PI4K2A: variants seen among roughly 807,000 people sequenced by gnomAD.
PI4K2A encodes the protein phosphatidylinositol 4-kinase type 2-alpha.
In PI4K2A, 20 loss-of-function variants were observed where a neutral mutation model predicts 55.0. The ratio of observed to expected loss-of-function variants is 0.36; its 90% confidence interval spans 0.26 to 0.53. The LOEUF is 0.53. PI4K2A is among the 20% of genes least tolerant of loss of function. PI4K2A has a pLI of 0.91. For missense variants in PI4K2A, 463 were observed against 637.1 expected (o/e 0.73, Z 2.94); for synonymous variants, 235 against 258.5 (o/e 0.91, Z 0.87).
At chr10:97,671,086 G>A (rs1048136823) in intron 8 of PI4K2A, among the ~76,000 whole-genome samples, 2 of 151,834 alleles carry the variant, frequency 1.3e-5, no homozygotes, top group African/African-American at 4.8e-5. Context: ...GCTGTGAGCC[G>A]AGATTGTGCC....
intron 2 of PI4K2A, among the ~76,000 whole-genome samples, chr10:97,655,260 C>T (rs1042984612): frequency 6.7e-6 from 1 of 149,968 alleles, no homozygotes; most frequent in Non-Finnish European, 1.5e-5. Flanking sequence ...ATCCCAGCTA[C>T]TTGGGAGGCT....
At chr10:97,641,619 G>A (rs2041470315) in intron 1 of PI4K2A, among the ~76,000 whole-genome samples, 1 of 152,150 alleles carries the variant, frequency 6.6e-6, no homozygotes, top group African/African-American at 2.4e-5. Flanking sequence ...ACCTATCAGG[G>A]GATCTGAGAA....
At chr10:97,673,153 A>AT (rs1301846727) in intron 8 of PI4K2A, among the ~76,000 whole-genome samples, 6 of 150,732 alleles carry the variant, frequency 4.0e-5, no homozygotes, top group Non-Finnish European at 7.4e-5. Context: ...CGGTCGGCTA[A>AT]TTTTTTTTGG....
chr10:97,652,500 T>G (rs1251633273), intron 2 of PI4K2A, among the ~76,000 whole-genome samples: 2 of 151,906 alleles, frequency 1.3e-5, no homozygotes, highest in Non-Finnish European at 2.9e-5. Flanking sequence ...AAGGTCTCCC[T>G]GTTTTGCCCA....
At chr10:97,672,359 C>G (rs1269254464) in intron 8 of PI4K2A, among the ~76,000 whole-genome samples, 1 of 152,096 alleles carries the variant, frequency 6.6e-6, no homozygotes, top group African/African-American at 2.4e-5. Flanking sequence ...CCTATAATTT[C>G]TTGAGACCCA....
exon 9 of PI4K2A, chr10:97,673,973 C>T: frequency 2.0e-6 from 1 of 490,850 alleles, no homozygotes; most frequent in Non-Finnish European, 3.6e-6. Flanking sequence ...TGCACGTAGT[C>T]CAGATGCCTG....
At chr10:97,642,903 T>A (rs2041484685) in intron 1 of PI4K2A, among the ~76,000 whole-genome samples, 1 of 137,050 alleles carries the variant, frequency 7.3e-6, no homozygotes, top group African/African-American at 2.9e-5. Context: ...CTTCCTTCCT[T>A]CCTTCCTTCC....
intron 4 of PI4K2A, among the ~76,000 whole-genome samples, chr10:97,660,256 C>G (rs2041575145): frequency 6.7e-6 from 1 of 148,390 alleles, no homozygotes. Context: ...CCGCCTTGGC[C>G]TCCCAAAGTG....
intron 1 of PI4K2A, among the ~76,000 whole-genome samples, chr10:97,642,859 CTTTCTT>C (rs1388210239): frequency 0.15 from 3,579 of 23,486 alleles, 374 homozygotes; most frequent in East Asian, 0.18. Flanking sequence ...TCCTTTCTTT[CTTTCTT>C]TTTCTTTCTT....
intron 8 of PI4K2A, among the ~76,000 whole-genome samples, chr10:97,668,111 C>T (rs1446544921): frequency 6.6e-6 from 1 of 152,072 alleles, no homozygotes; most frequent in Non-Finnish European, 1.5e-5. Flanking sequence ...ATGCCTATCA[C>T]TTTGAAGTCT....
chr10:97,671,592 TTAG>T (rs2041635444), intron 8 of PI4K2A, among the ~76,000 whole-genome samples: 1 of 152,164 alleles, frequency 6.6e-6, no homozygotes, highest in African/African-American at 2.4e-5. Context: ...AGAGATAGTG[TTAG>T]AAGGAGAATC....
exon 9 of PI4K2A, chr10:97,673,793 T>A: frequency 1.3e-6 from 2 of 1,560,208 alleles, no homozygotes; most frequent in Non-Finnish European, 1.8e-6. Context: ...GGAGGAAGCC[T>A]GGGGAGTGGG....
chr10:97,665,253 T>C (rs745390685), intron 6 of PI4K2A, among the ~76,000 whole-genome samples: 2 of 152,164 alleles, frequency 1.3e-5, no homozygotes, highest in Non-Finnish European at 2.9e-5. Flanking sequence ...ATTGTCTCTT[T>C]GCATTCTTCT....
intron 4 of PI4K2A, 51 bp downstream of exon 4, chr10:97,657,025 TG>T: frequency 6.3e-7 from 1 of 1,592,918 alleles, no homozygotes; most frequent in Admixed American, 1.7e-5. Flanking sequence ...TGTTGAGGCA[TG>T]GGGAGGCCTG....
At chr10:97,675,845 G>A (rs1057151776) in exon 9 of PI4K2A, 13 of 152,652 alleles carry the variant, frequency 8.5e-5, no homozygotes, top group African/African-American at 2.7e-4. Flanking sequence ...AAGAGCCAGG[G>A]GCCCAGAATG....
upstream of PI4K2A, chr10:97,640,675 C>T: frequency 5.0e-6 from 6 of 1,194,546 alleles, no homozygotes; most frequent in Non-Finnish European, 6.6e-6. Flanking sequence ...GGGGATGTCA[C>T]GGATTGGTCG....
intron 4 of PI4K2A, among the ~76,000 whole-genome samples, chr10:97,660,893 T>A (rs1225760837): frequency 3.3e-5 from 5 of 151,766 alleles, no homozygotes; most frequent in African/African-American, 1.2e-4. Flanking sequence ...CAACAGTTAT[T>A]ATGTAAGGTC....
chr10:97,653,005 T>C (rs1466548312), intron 2 of PI4K2A, among the ~76,000 whole-genome samples: 1 of 152,224 alleles, frequency 6.6e-6, no homozygotes, highest in Non-Finnish European at 1.5e-5. Context: ...GCTCATTCCT[T>C]CTCTTTATGC....
intron 1 of PI4K2A, among the ~76,000 whole-genome samples, chr10:97,646,313 C>G (rs2041504776): frequency 6.6e-6 from 1 of 151,170 alleles, no homozygotes; most frequent in South Asian, 2.1e-4. Context: ...CTCCTGGGTT[C>G]AAGCAATTCT....
Sources: gnomAD v4.1 joint callset for allele counts (sites outside exome capture counted in the v4.1 genomes callset) on GRCh38, gnomAD v4.1.1 for gene constraint, MANE v1.5 for transcripts, NCBI Gene and HGNC (gene_info 2026-07-23, HGNC 2026-07-21) for gene names.